IGFN1: variants seen among roughly 807,000 people sequenced by gnomAD.
IGFN1 encodes the protein immunoglobulin like and fibronectin type III domain containing 1.
Under a neutral mutation model 289.5 loss-of-function variants are expected in IGFN1, and 253 were observed. The ratio of observed to expected loss-of-function variants is 0.87; its 90% confidence interval spans 0.79 to 0.97. The LOEUF is 0.97. Ranked by LOEUF, IGFN1 falls within the 50% of genes least tolerant of loss-of-function variation. The pLI is 0.00. For synonymous variants in IGFN1, 1,706 were observed against 1,788.5 expected, an observed-to-expected ratio of 0.95 and a Z score of 1.16; for missense variants, 4,470 against 4,686.1, an observed-to-expected ratio of 0.95 and a Z score of 1.35.
intron 9 of IGFN1, among the ~76,000 whole-genome samples, chr1:201,202,964 C>A (rs1667231282): frequency 1.3e-5 from 2 of 152,028 alleles, no homozygotes; most frequent in African/African-American, 4.8e-5. Context: ...ACCATGTTGG[C>A]CAGCTGGTCT....
At chr1:201,227,819 G>T (rs986209078) in intron 23 of IGFN1, among the ~76,000 whole-genome samples, 48 of 152,092 alleles carry the variant, frequency 3.2e-4, no homozygotes, top group Admixed American at 3.1e-3. Context: ...CTTCCCAGTG[G>T]GGCCACGCTA....
intron 11 of IGFN1, among the ~76,000 whole-genome samples, 154 bp from the exon 12 acceptor site, chr1:201,205,929 G>C (rs1045458980): frequency 3.3e-5 from 5 of 152,226 alleles, no homozygotes; most frequent in Non-Finnish European, 5.9e-5. Context: ...TTCCTTCCCA[G>C]GTGGTCACCT....
chr1:201,206,320 A>G lies in IGFN1; in HGVS notation c.1427A>G (p.Lys476Arg). ...CATGGCTACTCCTTGATGGGGGACA[A>G]AGGGACAGCTGACTCAGCCTGGGGC... ...GRHGYSLMGD[K>R]GTADSAWGPG... The change falls in exon 12 of 24, where the codon AAA (lysine) becomes AGA (arginine). Residue 476 changes from lysine to arginine, a missense_variant. Lys to Arg is a conservative substitution (Grantham distance 26, BLOSUM62 2). Coordinates refer to ENST00000335211, the MANE Select transcript of IGFN1 (RefSeq NM_001164586.2). 10 of 1,550,358 alleles carry G rather than the reference A, an allele frequency of 6.5e-6. No homozygotes were observed. Among genetic ancestry groups the G allele is most frequent in the Non-Finnish European group, 8.7e-6 (10 of 1,146,960 alleles).
intron 10 of IGFN1, among the ~76,000 whole-genome samples, chr1:201,204,563 G>A (rs578137544): frequency 2.6e-4 from 40 of 152,348 alleles, no homozygotes; most frequent in African/African-American, 9.4e-4. Flanking sequence ...GCACGGGGGA[G>A]GTGCCCAGAT....
intron 1 of IGFN1, 149 bp from the exon 2 acceptor site, chr1:201,193,098 T>C (rs1225159437): frequency 8.7e-6 from 5 of 574,704 alleles, no homozygotes; most frequent in Non-Finnish European, 1.6e-5. Flanking sequence ...AGGAAACTAA[T>C]CAGTGCCATT....
intron 14 of IGFN1, 143 bp from the exon 15 acceptor site, chr1:201,215,396 G>A (rs1653159639): frequency 1.2e-6 from 1 of 827,130 alleles, no homozygotes; most frequent in Non-Finnish European, 1.9e-6. Flanking sequence ...TGCAGATGAA[G>A]CCCCTTCCCC....
chr1:201,217,498 C>T, intron 17 of IGFN1, 38 bp downstream of exon 17: 1 of 1,601,032 alleles, frequency 6.2e-7, no homozygotes, highest in Non-Finnish European at 8.5e-7. Flanking sequence ...TCCTTAGACC[C>T]CTCCTGGCTC....
rs569673030 is a variant in IGFN1, at chr1:201,221,630, C to T, written c.10085C>T (p.Thr3362Met). The T allele has an allele frequency of 3.4e-5, 55 of 1,614,218 alleles. No individual in the cohort carries two copies. Among genetic ancestry groups the T allele is most frequent in the Non-Finnish European group, 3.8e-5 (45 of 1,180,012 alleles). Residue 3362 changes from threonine to methionine, a missense_variant, in exon 19 of 24, where the codon ACG becomes ATG. By Grantham distance (81) the Thr-to-Met change is moderately conservative (BLOSUM62 -1). Around this residue, in one of 8 missense-constraint regions of IGFN1, gnomAD observed 2,218 missense variants for 2,114.1 expected, o/e 1.05. Transcript: ENST00000335211. ...HVGTVPVTTY[T>M]AKGLRPGEGY... ...GGCACCGTGCCAGTCACCACCTACA[C>T]GGCCAAGGGGCTTCGGCCTGGAGAG...
intron 5 of IGFN1, among the ~76,000 whole-genome samples, chr1:201,198,192 G>C (rs1666994940): frequency 6.6e-6 from 1 of 152,342 alleles, no homozygotes; most frequent in Non-Finnish European, 1.5e-5. Context: ...CTGGAGTACA[G>C]TGGCACAATC....
At chr1:201,226,210 C>A in intron 22 of IGFN1, 87 bp downstream of exon 22, 1 of 1,379,546 alleles carries the variant, frequency 7.2e-7, no homozygotes, top group Non-Finnish European at 9.6e-7. Flanking sequence ...GGCAAGCGCG[C>A]AGGATAGGGA....
chr1:201,206,731 G>T lies in IGFN1; in HGVS notation c.1838G>T (p.Cys613Phe). 1 of 1,536,816 alleles carries T rather than the reference G, an allele frequency of 6.5e-7. No homozygotes were observed. The highest frequency in any genetic ancestry group is 2.4e-5 in the East Asian group (1 of 40,920). Reference sequence around the variant, plus strand: ...AGAGGAAAGAGCGACCTGCAGGGATGCCAGTCTGATCCTGTAGGGTCCTGG... The same window carrying T: ...AGAGGAAAGAGCGACCTGCAGGGATTCCAGTCTGATCCTGTAGGGTCCTGG... ...PGRGKSDLQG[C>F]QSDPVGSWPR... Residue 613 changes from cysteine to phenylalanine, a missense_variant, in exon 12 of 24, where the codon TGC (cysteine) becomes TTC (phenylalanine). Coordinates refer to ENST00000335211, the MANE Select transcript of IGFN1 (RefSeq NM_001164586.2).
chr1:201,200,224 C>T lies in IGFN1; in HGVS notation c.459-13C>T. The stretch of plus-strand genomic sequence containing the variant: ...ATTCCTCTGGCCTCTGACCTGCTAG[C>T]CTTGCTCCCCAGGGCCCCACCAGCC... On this transcript the variant is annotated splice_polypyrimidine_tract_variant and intron_variant, in intron 7 of 23. Transcript: ENST00000335211. 2 of 1,549,544 alleles carry T rather than the reference C, an allele frequency of 1.3e-6. No individual in the cohort carries two copies. The highest frequency in any genetic ancestry group is 1.7e-6 in the Non-Finnish European group (2 of 1,145,704).
chr1:201,218,514 G>T lies in IGFN1; in HGVS notation c.9770-16G>T. ...GCACCATCAGGGTGGGACTCACATG[G>T]GCGGGCTGTTCACAGAGAGGAGGTG... On this transcript the variant is annotated splice_polypyrimidine_tract_variant and intron_variant, in intron 17 of 23. Transcript: ENST00000335211. The T allele has an allele frequency of 6.2e-7, 1 of 1,608,638 alleles. No homozygotes were observed. The highest frequency in any genetic ancestry group is 1.1e-5 in the South Asian group (1 of 90,158).
intron 8 of IGFN1, among the ~76,000 whole-genome samples, chr1:201,201,327 A>T (rs144967633): frequency 1.7e-3 from 265 of 152,314 alleles, no homozygotes; most frequent in African/African-American, 6.2e-3. Flanking sequence ...ATCCCCTTGA[A>T]AGATAAGCTT....
At chr1:201,220,576 C>G (rs1653665341) in intron 18 of IGFN1, among the ~76,000 whole-genome samples, 1 of 152,254 alleles carries the variant, frequency 6.6e-6, no homozygotes, top group Admixed American at 6.5e-5. Flanking sequence ...TTTCTGGATT[C>G]TTGCTGCTAA....
chr1:201,209,269 G>T lies in IGFN1; in HGVS notation c.4376G>T (p.Gly1459Val), dbSNP rs1172277838. 48 of 1,487,898 alleles carry T rather than the reference G, an allele frequency of 3.2e-5. No homozygotes were observed. The highest frequency in any genetic ancestry group is 4.2e-5 in the Non-Finnish European group (47 of 1,129,414). The allele number at this position is 1,487,898 out of a possible 1,614,324, so 92.2% of individuals were successfully genotyped here. A position where few individuals can be genotyped will look rare whatever the true frequency, so the allele number is the denominator to read the frequency against. Residue 1459 changes from glycine to valine, a missense_variant, in exon 12 of 24, where the codon GGT (glycine) becomes GTT (valine). Physicochemically the swap from Gly to Val is moderately radical, Grantham distance 109. Coordinates refer to ENST00000335211, the MANE Select transcript of IGFN1 (RefSeq NM_001164586.2). ...SGEMRSMDEA[G>V]YRKNLGAPER... ...GAAATGAGGTCAATGGATGAGGCAG[G>T]TTATAGGAAAAATTTGGGAGCTCCT...
At position 201,205,237 on chromosome 1, in the gene IGFN1, G is replaced by C; in HGVS notation, c.1072G>C (p.Val358Leu). The change falls in exon 11 of 24, where the codon GTG becomes CTG. Residue 358 changes from valine to leucine, a missense_variant. Val to Leu is a conservative substitution (Grantham distance 32). This residue lies in a region of IGFN1 where 2,011 missense variants were observed against 1,953.4 expected (regional missense o/e 1.03). Coordinates refer to ENST00000335211, the MANE Select transcript of IGFN1 (RefSeq NM_001164586.2). ...LHPSDKYEVY[V>L]SPDGLTHRLV... ...CCCCAGTGACAAATATGAAGTGTATGTGTCCCCTGACGGGCTGACCCACCG... is the reference window on the plus strand; with the variant it reads ...CCCCAGTGACAAATATGAAGTGTATCTGTCCCCTGACGGGCTGACCCACCG... 6.4e-7 allele frequency: 1 copy of C among 1,551,086 alleles called. No homozygotes were observed. Among genetic ancestry groups the C allele is most frequent in the Non-Finnish European group, 8.7e-7 (1 of 1,146,966 alleles).
chr1:201,201,783 A>G lies in IGFN1; in HGVS notation c.698A>G (p.Asp233Gly). Residue 233 changes from aspartate to glycine, a missense_variant, in exon 9 of 24, where the codon GAC becomes GGC. By Grantham distance (94) the Asp-to-Gly change is moderately conservative (BLOSUM62 -1). Coordinates refer to ENST00000335211, the MANE Select transcript of IGFN1 (RefSeq NM_001164586.2). ...RVTKDGNAKF[D>G]LELDLKDSQS... ...ACCAAGGATGGGAATGCAAAGTTTG[A>G]CTTGGAGCTGGATCTCAAGGATTCT... The G allele has an allele frequency of 1.3e-6, 2 of 1,550,390 alleles. No homozygotes were observed.
In IGFN1 at chr1:201,215,169, T is replaced by C; in HGVS notation, c.8995+15T>C. On this transcript the variant is annotated intron_variant, in intron 14 of 23. Coordinates refer to ENST00000335211, the MANE Select transcript of IGFN1 (RefSeq NM_001164586.2). ...GACCGTCCAGGGTAAGGCCCAGCCC[T>C]GCCCTGCCCTGCCCTGTCCTGTCCC... 6.2e-7 allele frequency: 1 copy of C among 1,604,018 alleles called. No homozygotes were observed. Among genetic ancestry groups the C allele is most frequent in the Non-Finnish European group, 8.5e-7 (1 of 1,174,552 alleles).
Sources: gnomAD v4.1 joint callset for allele counts (sites outside exome capture counted in the v4.1 genomes callset) on GRCh38, gnomAD v4.1.1 for gene constraint, gnomAD v4.1.1 regional missense constraint, MANE v1.5 for transcripts, NCBI Gene and HGNC (gene_info 2026-07-23, HGNC 2026-07-21) for gene names.